The following GPHN variants were observed in gnomAD, a reference collection of about 807,000 sequenced individuals.
GPHN encodes the protein gephyrin.
GPHN carries 17 observed loss-of-function variants against 95.5 expected under a neutral mutation model. That is an observed-to-expected ratio of 0.18 (90% CI 0.12 to 0.27). The LOEUF (loss-of-function observed/expected upper bound fraction) is 0.27, where lower values mean the gene tolerates loss of function less well. Among genes scored for constraint, GPHN ranks in the 10% least tolerant of loss-of-function variants. The pLI is 1.00. For missense variants in GPHN, 660 were observed against 978.1 expected, an observed-to-expected ratio of 0.67 and a Z score of 4.34; for synonymous variants, 320 against 322.5, an observed-to-expected ratio of 0.99 and a Z score of 0.08.
the GPHN span, among the ~76,000 whole-genome samples, chr14:67,225,981 A>G: frequency 0.2 from 23,138 of 117,514 alleles, 3,376 homozygotes; most frequent in East Asian, 0.45. Context: ...GCGCGTGCGC[A>G]TGCGCGTGCA....
chr14:67,276,620 C>A, the GPHN span, among the ~76,000 whole-genome samples: 1 of 152,090 alleles, frequency 6.6e-6, no homozygotes, highest in Admixed American at 6.5e-5. Flanking sequence ...AAATTTAGAA[C>A]CTGTTAAGGA....
the GPHN span, among the ~76,000 whole-genome samples, chr14:67,266,740 T>A: frequency 6.6e-6 from 1 of 152,204 alleles, no homozygotes; most frequent in Non-Finnish European, 1.5e-5. Context: ...GTTACACAGT[T>A]ATCAAGTAAA....
chr14:66,690,963 C>T (rs1435352069), intron 2 of GPHN, among the ~76,000 whole-genome samples: 1 of 152,076 alleles, frequency 6.6e-6, no homozygotes, highest in African/African-American at 2.4e-5. Context: ...CTGTATTATT[C>T]GAACTCCTAT....
intron 1 of GPHN, among the ~76,000 whole-genome samples, chr14:66,679,907 T>C (rs1352521567): frequency 6.6e-6 from 1 of 152,230 alleles, no homozygotes; most frequent in Non-Finnish European, 1.5e-5. Flanking sequence ...TTATTCTCTT[T>C]TCCCTTGATT....
chr14:67,003,150 AAC>A (rs1296868542), intron 9 of GPHN, among the ~76,000 whole-genome samples: 2 of 151,628 alleles, frequency 1.3e-5, no homozygotes, highest in African/African-American at 4.8e-5. Flanking sequence ...TATGCACATA[AAC>A]ACACCCCAAA....
the GPHN span, chr14:67,645,511 C>A: frequency 9.8e-7 from 1 of 1,021,866 alleles, no homozygotes; most frequent in Non-Finnish European, 1.4e-6. Context: ...TCTTGCCTCA[C>A]CCAAACCCAG....
At chr14:66,782,245 C>G (rs190540076) in intron 3 of GPHN, among the ~76,000 whole-genome samples, 1 of 152,148 alleles carries the variant, frequency 6.6e-6, no homozygotes, top group Non-Finnish European at 1.5e-5. Flanking sequence ...TTAAGTCTGT[C>G]TTTTCCTGAA....
chr14:67,088,651 G>A (rs192182079), intron 11 of GPHN, among the ~76,000 whole-genome samples: 350 of 152,260 alleles, frequency 2.3e-3, no homozygotes, highest in Non-Finnish European at 4.1e-3. Context: ...GTATGAAAAC[G>A]TTTAAAGTTG....
chr14:67,339,197 C>G, the GPHN span, among the ~76,000 whole-genome samples: 1 of 152,094 alleles, frequency 6.6e-6, no homozygotes, highest in Non-Finnish European at 1.5e-5. Context: ...GAGGGTTTCA[C>G]CATCTTGGCC....
At chr14:67,161,240 C>T (rs1445898782) in intron 19 of GPHN, among the ~76,000 whole-genome samples, 1 of 151,982 alleles carries the variant, frequency 6.6e-6, no homozygotes, top group Non-Finnish European at 1.5e-5. Context: ...TTACAGTGAG[C>T]CGAGATCATG....
At chr14:67,579,913 T>C in the GPHN span, 1 of 1,551,164 alleles carries the variant, frequency 6.4e-7, no homozygotes, top group Admixed American at 1.9e-5. Context: ...AGCCCCTCCC[T>C]GCTCAGGGAT....
At chr14:67,421,304 T>C in the GPHN span, among the ~76,000 whole-genome samples, 1 of 152,108 alleles carries the variant, frequency 6.6e-6, no homozygotes, top group Non-Finnish European at 1.5e-5. Context: ...GGTAAATCCA[T>C]GAAAATGTCC....
chr14:67,464,085 T>C, the GPHN span, among the ~76,000 whole-genome samples: 8 of 151,926 alleles, frequency 5.3e-5, no homozygotes, highest in Admixed American at 3.3e-4. Context: ...AGTGTGTGTG[T>C]GTGTGTATGT....
the GPHN span, among the ~76,000 whole-genome samples, chr14:67,394,639 T>C: frequency 6.6e-6 from 1 of 152,098 alleles, no homozygotes; most frequent in East Asian, 1.9e-4. Flanking sequence ...CATACATCTT[T>C]GATGGGTGTT....
At chr14:66,647,604 T>C (rs549539868) in intron 1 of GPHN, among the ~76,000 whole-genome samples, 11 of 152,094 alleles carry the variant, frequency 7.2e-5, no homozygotes, top group South Asian at 6.2e-4. Flanking sequence ...GTTTAACTTA[T>C]AAGTTAGGCA....
the GPHN span, chr14:67,397,627 C>A: frequency 7.6e-6 from 12 of 1,573,206 alleles, no homozygotes; most frequent in Admixed American, 1.7e-5. Context: ...GGCTGTGGAA[C>A]AGAGAGGAGC....
chr14:66,581,244 A>G (rs1322261326), intron 1 of GPHN, among the ~76,000 whole-genome samples: 1 of 149,982 alleles, frequency 6.7e-6, no homozygotes, highest in Non-Finnish European at 1.5e-5. Flanking sequence ...AAAAAAAAAG[A>G]TGTAAATTAC....
chr14:67,586,029 T>A, the GPHN span: 1 of 1,613,874 alleles, frequency 6.2e-7, no homozygotes, highest in Non-Finnish European at 8.5e-7. Context: ...TGTGATTAGA[T>A]CTATCCCAGA....
the GPHN span, among the ~76,000 whole-genome samples, chr14:67,355,860 CATGGTAGGGCACACCGGTAAT>C: frequency 6.6e-6 from 1 of 151,620 alleles, no homozygotes; most frequent in Non-Finnish European, 1.5e-5. Flanking sequence ...ATTACCTGGG[CATGGTAGGGCACACCGGTAAT>C]CCCATATACA....
Sources: allele counts gnomAD v4.1 joint callset (sites outside exome capture counted in the v4.1 genomes callset), GRCh38; gene constraint gnomAD v4.1.1; transcripts MANE v1.5; gene names NCBI Gene and HGNC (gene_info 2026-07-23, HGNC 2026-07-21).